CADM2: variants seen among roughly 807,000 people sequenced by gnomAD.
CADM2 encodes cell adhesion molecule 2, also known as immunoglobulin superfamily member 4D.
In CADM2, 12 loss-of-function variants were observed where a neutral mutation model predicts 49.8. That is an observed-to-expected ratio of 0.24 (90% CI 0.15 to 0.39). The LOEUF (loss-of-function observed/expected upper bound fraction) is 0.39. CADM2 is among the 10% of genes least tolerant of loss of function. CADM2 has a pLI of 1.00. For synonymous variants in CADM2, 214 were observed against 175.4 expected, an observed-to-expected ratio of 1.22 and a Z score of -1.74; for missense variants, 378 against 492.3, an observed-to-expected ratio of 0.77 and a Z score of 2.20.
At chr3:85,917,804 G>A (rs1030533216) in intron 6 of CADM2, among the ~76,000 whole-genome samples, 14 of 152,260 alleles carry the variant, frequency 9.2e-5, no homozygotes, top group African/African-American at 2.6e-4. Context: ...TTATGAGCAC[G>A]GAGTGTTCTT....
intron 6 of CADM2, among the ~76,000 whole-genome samples, chr3:85,921,168 A>T (rs1719054069): frequency 6.6e-6 from 1 of 152,112 alleles, no homozygotes; most frequent in East Asian, 1.9e-4. Flanking sequence ...TAATATTTTT[A>T]ACTTTCAATT....
chr3:85,286,760 A>G (rs1370765831), intron 1 of CADM2, among the ~76,000 whole-genome samples: 5 of 152,284 alleles, frequency 3.3e-5, no homozygotes, highest in Admixed American at 6.5e-5. Flanking sequence ...AGTAGACTTA[A>G]TATTGCATCC....
At chr3:85,755,709 G>T (rs747367657) in intron 2 of CADM2, among the ~76,000 whole-genome samples, 3 of 151,884 alleles carry the variant, frequency 2.0e-5, no homozygotes, top group Non-Finnish European at 4.4e-5. Context: ...GAAGGGGGAG[G>T]TGCTACACAC....
chr3:85,988,549 A>G (rs1728391334), intron 8 of CADM2, among the ~76,000 whole-genome samples: 2 of 152,304 alleles, frequency 1.3e-5, no homozygotes, highest in African/African-American at 4.8e-5. Flanking sequence ...GGTTTAAACT[A>G]TTGGAAAAAA....
chr3:85,381,464 T>G (rs1462699140), intron 1 of CADM2, among the ~76,000 whole-genome samples: 1 of 147,668 alleles, frequency 6.8e-6, no homozygotes, highest in Non-Finnish European at 1.5e-5. Context: ...ATAAACTGTA[T>G]ATATAAAGTA....
chr3:85,792,267 C>A (rs1456519625), intron 2 of CADM2, among the ~76,000 whole-genome samples: 1 of 152,162 alleles, frequency 6.6e-6, no homozygotes, highest in Non-Finnish European at 1.5e-5. Flanking sequence ...ACAGTTTTCA[C>A]TAAGGACAAA....
chr3:85,488,128 G>C (rs1401320423), intron 1 of CADM2, among the ~76,000 whole-genome samples: 1 of 152,084 alleles, frequency 6.6e-6, no homozygotes, highest in Non-Finnish European at 1.5e-5. Flanking sequence ...AAATTTTTCT[G>C]TATTCACGTA....
rs1429052021 is a variant in CADM2 at position 86,069,826 on chromosome 3, ACTTTT to A, written c.*3054_*3058del. On this transcript the variant is annotated 3_prime_UTR_variant, in exon 10 of 10. Coordinates refer to ENST00000383699, the MANE Select transcript of CADM2 (RefSeq NM_001167675.2). ...CAAAATCAAGTCTAAGCGGCATTTT[ACTTTT>A]CTTTTCTTTTTTATTTTCCATTTTT... The A allele has an allele frequency of 6.6e-6, 1 of 152,040 alleles. No homozygotes were observed. Among genetic ancestry groups the A allele is most frequent in the African/African-American group, 2.4e-5 (1 of 41,444 alleles). The allele number at this position is 152,040 out of a possible 1,614,324, so 9.4% of individuals were successfully genotyped here.
At chr3:85,922,383 C>A (rs1348404156) in intron 6 of CADM2, among the ~76,000 whole-genome samples, 1 of 151,212 alleles carries the variant, frequency 6.6e-6, no homozygotes, top group Non-Finnish European at 1.5e-5. Flanking sequence ...ACTATCTGGG[C>A]CACACTTTTT....
At chr3:85,508,994 T>C (rs1051149573) in intron 1 of CADM2, among the ~76,000 whole-genome samples, 2 of 152,146 alleles carry the variant, frequency 1.3e-5, no homozygotes, top group South Asian at 4.1e-4. Context: ...TGTGAATATA[T>C]TAAATCATAT....
chr3:85,348,353 T>C (rs1255998304), intron 1 of CADM2, among the ~76,000 whole-genome samples: 2 of 152,340 alleles, frequency 1.3e-5, no homozygotes, highest in East Asian at 3.9e-4. Flanking sequence ...GCTTAAATGT[T>C]AATCTTATCC....
intron 8 of CADM2, among the ~76,000 whole-genome samples, chr3:86,043,204 A>G (rs1165927509): frequency 6.6e-6 from 1 of 152,194 alleles, no homozygotes; most frequent in African/African-American, 2.4e-5. Flanking sequence ...ACTCCTATTC[A>G]ACATAGTGTT....
intron 8 of CADM2, among the ~76,000 whole-genome samples, chr3:86,065,125 C>T (rs1739157311): frequency 2.0e-5 from 3 of 152,074 alleles, no homozygotes; most frequent in African/African-American, 4.8e-5. Context: ...TTATTTTCTC[C>T]ATCTAGACAC....
Position 86,067,845 on chromosome 3 carries a change from A to G in CADM2, c.*1062A>G, listed in dbSNP as rs1739497846. 1 of 152,436 alleles carries G rather than the reference A, an allele frequency of 6.6e-6. No homozygotes were observed. The highest frequency in any genetic ancestry group is 1.5e-5 in the Non-Finnish European group (1 of 67,886). The allele number at this position is 152,436 out of a possible 1,614,324, so 9.4% of individuals were successfully genotyped here. A position where few individuals can be genotyped will look rare whatever the true frequency, so the allele number is the denominator to read the frequency against. ...TTGTCTGTATGTCCTAGCACTGTTC[A>G]ACAACAAATTTTTCTAGTTCTTGTT... On this transcript the variant is annotated 3_prime_UTR_variant, in exon 10 of 10. Coordinates refer to ENST00000383699, the MANE Select transcript of CADM2 (RefSeq NM_001167675.2).
chr3:85,761,543 AT>A (rs1386813638), intron 2 of CADM2, among the ~76,000 whole-genome samples: 2 of 150,990 alleles, frequency 1.3e-5, no homozygotes, highest in African/African-American at 2.4e-5. Context: ...TGCCCAGCTA[AT>A]TTTTGTATTT....
Position 85,152,822 on chromosome 3 carries a change from G to A in CADM2, c.61+193154G>A, listed in dbSNP as rs147829013. Among the ~76,000 whole-genome samples the A allele has an allele frequency of 5.4e-3, 815 of 151,984 alleles. 6 individuals are homozygous for A. The highest frequency in any genetic ancestry group is 0.018 in the African/African-American group (761 of 41,446). On this transcript the variant is annotated intron_variant, in intron 1 of 9. Coordinates refer to ENST00000383699, the MANE Select transcript of CADM2 (RefSeq NM_001167675.2). Reference sequence around the variant, plus strand: ...AATACAAAAAGAAAAAATATTTGCCGGGCGTGGTGGCGGGTGCTTGTAGTG... The same window carrying A: ...AATACAAAAAGAAAAAATATTTGCCAGGCGTGGTGGCGGGTGCTTGTAGTG...
chr3:85,136,050 G>A (rs769270790), intron 1 of CADM2, among the ~76,000 whole-genome samples: 1 of 151,930 alleles, frequency 6.6e-6, no homozygotes, highest in African/African-American at 2.4e-5. Flanking sequence ...TTCAAGTATC[G>A]TTGTCTGTAC....
At chr3:85,906,947 G>A (rs1313191083) in intron 5 of CADM2, among the ~76,000 whole-genome samples, 2 of 152,154 alleles carry the variant, frequency 1.3e-5, no homozygotes, top group African/African-American at 4.8e-5. Context: ...GAATGAATTA[G>A]CCAGACATAG....
At position 85,988,122 on chromosome 3, in the gene CADM2, G is replaced by A. The variant is rs1728345634; in HGVS notation, c.970+26475G>A. 5.3e-5 allele frequency among the ~76,000 whole-genome samples: 8 copies of A among 152,268 alleles called. No homozygotes were observed. The South Asian group carries it at 1.7e-3, about 32-fold the overall frequency. Reference sequence around the variant, plus strand: ...AATAAATAAGAGCAAATGCCACAAAGCGTGACTTCTGAGAAGGGTCTAATA... The same window carrying A: ...AATAAATAAGAGCAAATGCCACAAAACGTGACTTCTGAGAAGGGTCTAATA... On this transcript the variant is annotated intron_variant, in intron 8 of 9. Coordinates refer to ENST00000383699, the MANE Select transcript of CADM2 (RefSeq NM_001167675.2).
Sources: gnomAD v4.1 joint callset for allele counts (sites outside exome capture counted in the v4.1 genomes callset) on GRCh38, gnomAD v4.1.1 for gene constraint, MANE v1.5 for transcripts, NCBI Gene and HGNC (gene_info 2026-07-23, HGNC 2026-07-21) for gene names.